CUL5: variants seen among roughly 807,000 people sequenced by gnomAD.
CUL5 encodes cullin-5.
CUL5 carries 26 observed loss-of-function variants against 108.8 expected under a neutral mutation model. The ratio of observed to expected loss-of-function variants is 0.24; its 90% CI spans 0.18 to 0.33. The LOEUF (loss-of-function observed/expected upper bound fraction) is 0.33, where lower values mean the gene tolerates loss of function less well. Ranked by LOEUF, CUL5 falls within the 10% of genes least tolerant of loss-of-function variation. The pLI is 1.00. For synonymous variants in CUL5, 334 were observed against 298.0 expected (o/e 1.12, Z -1.25); for missense variants, 524 against 909.2 (o/e 0.58, Z 5.45).
At chr11:108,060,788 C>T (rs760761479) in intron 7 of CUL5, among the ~76,000 whole-genome samples, 44 of 151,676 alleles carry the variant, frequency 2.9e-4, no homozygotes, top group East Asian at 1.9e-4. Flanking sequence ...AGTGAGATCG[C>T]GCCATTGCAC....
chr11:108,013,450 TCTC>T (rs750769865), intron 1 of CUL5, among the ~76,000 whole-genome samples: 46 of 152,294 alleles, frequency 3.0e-4, no homozygotes, highest in Non-Finnish European at 5.6e-4. Flanking sequence ...AGCTGGGTCT[TCTC>T]CTGATAACTA....
intron 10 of CUL5, among the ~76,000 whole-genome samples, chr11:108,076,763 G>A (rs1863951114): frequency 6.6e-6 from 1 of 152,176 alleles, no homozygotes; most frequent in African/African-American, 2.4e-5. Flanking sequence ...ATTACATTAT[G>A]AAGATAGACT....
At chr11:108,051,175 G>A (rs1168824911) in intron 4 of CUL5, among the ~76,000 whole-genome samples, 1 of 151,956 alleles carries the variant, frequency 6.6e-6, no homozygotes, top group Non-Finnish European at 1.5e-5. Context: ...TTCAGTGATA[G>A]AAATCACTGC....
intron 1 of CUL5, among the ~76,000 whole-genome samples, chr11:108,025,016 C>G (rs1862421502): frequency 6.6e-6 from 1 of 152,180 alleles, no homozygotes; most frequent in Admixed American, 6.5e-5. Flanking sequence ...TGTCTTATAT[C>G]TGTGGTTTAT....
At chr11:108,100,563 A>C (rs527371374) in intron 18 of CUL5, among the ~76,000 whole-genome samples, 1 of 151,982 alleles carries the variant, frequency 6.6e-6, no homozygotes, top group African/African-American at 2.4e-5. Context: ...AAACAAAAAC[A>C]AACAAAAAAC....
chr11:108,101,581 A>T (rs975486954), intron 18 of CUL5, among the ~76,000 whole-genome samples: 1 of 152,186 alleles, frequency 6.6e-6, no homozygotes, highest in Non-Finnish European at 1.5e-5. Context: ...TAATGACAGG[A>T]TCACCTTGCC....
chr11:108,049,316 G>A (rs541905553), intron 3 of CUL5, among the ~76,000 whole-genome samples: 1 of 151,482 alleles, frequency 6.6e-6, no homozygotes, highest in Non-Finnish European at 1.5e-5. Flanking sequence ...ACCATATATT[G>A]TGGGGTTTTT....
At position 108,104,165 on chromosome 11, in the gene CUL5, CTTTTA is replaced by C. The variant is rs773359398; in HGVS notation, c.2149-20_2149-16del. On this transcript the variant is annotated intron_variant, in intron 18 of 18. Coordinates refer to ENST00000393094, the MANE Select transcript of CUL5 (RefSeq NM_003478.6). ...TAAAATAATTTCGTATATTAATGCGCTTTTATTTTTATTTTTTCTTTTAGGAAGCT... is the reference window on the plus strand; with the variant it reads ...TAAAATAATTTCGTATATTAATGCGCTTTTTATTTTTTCTTTTAGGAAGCT... 1.8e-5 allele frequency: 27 copies of C among 1,464,876 alleles called. No individual in the cohort carries two copies. Among genetic ancestry groups the C allele is most frequent in the Non-Finnish European group, 1.7e-5 (18 of 1,078,462 alleles). The allele number at this position is 1,464,876 out of a possible 1,614,324, so 90.7% of individuals were successfully genotyped here. A position where few individuals can be genotyped will look rare whatever the true frequency, so the allele number is the denominator to read the frequency against.
rs879594771 is a variant in CUL5, at chr11:108,067,540, A to AT, written c.781-2542dup. Among the ~76,000 whole-genome samples the AT allele has an allele frequency of 6.9e-3, 1,007 of 145,774 alleles. 6 individuals carry two copies. The highest frequency in any genetic ancestry group is 0.013 in the African/African-American group (502 of 40,054). On this transcript the variant is annotated intron_variant, in intron 7 of 18. Coordinates refer to ENST00000393094, the MANE Select transcript of CUL5 (RefSeq NM_003478.6). ...ATATTTTTTGTTCTGTCCTATGTAC[A>AT]TTTTTTTTTTTTTTAAACCTGGTCA...
At chr11:108,020,184 A>G (rs2135051068) in intron 1 of CUL5, among the ~76,000 whole-genome samples, 1 of 152,320 alleles carries the variant, frequency 6.6e-6, no homozygotes, top group East Asian at 1.9e-4. Flanking sequence ...ATTTACTGTT[A>G]TATACTTGTT....
intron 7 of CUL5, among the ~76,000 whole-genome samples, chr11:108,059,789 C>CA: frequency 6.6e-6 from 1 of 151,606 alleles, no homozygotes; most frequent in Non-Finnish European, 1.5e-5. Context: ...GAGGCTGAGG[C>CA]AGGAGAATCG....
chr11:108,013,539 G>T (rs1862106592), intron 1 of CUL5, among the ~76,000 whole-genome samples: 3 of 151,996 alleles, frequency 2.0e-5, no homozygotes, highest in African/African-American at 4.8e-5. Flanking sequence ...CTGGTTACTT[G>T]TTGGCTCACT....
intron 1 of CUL5, among the ~76,000 whole-genome samples, 180 bp downstream of exon 1, chr11:108,009,552 A>G (rs568475695): frequency 2.0e-5 from 3 of 151,438 alleles, no homozygotes; most frequent in Admixed American, 2.0e-4. Context: ...TGGGGTCGAC[A>G]GGCTCTGGTG....
intron 1 of CUL5, among the ~76,000 whole-genome samples, chr11:108,017,706 C>A (rs372126030): frequency 2.6e-4 from 39 of 152,110 alleles, no homozygotes; most frequent in African/African-American, 9.2e-4. Context: ...AATAATTATC[C>A]AGGCATGTTA....
intron 18 of CUL5, among the ~76,000 whole-genome samples, chr11:108,100,370 C>A (rs1864626149): frequency 6.6e-6 from 1 of 151,978 alleles, no homozygotes; most frequent in Non-Finnish European, 1.5e-5. Flanking sequence ...TGTTGAAGCC[C>A]TGTCTCTACT....
chr11:108,073,755 T>C (rs1212494916), intron 10 of CUL5: 1 of 219,038 alleles, frequency 4.6e-6, no homozygotes, highest in Admixed American at 5.5e-5. Context: ...TTTCTGTTTT[T>C]GAATATTACT....
intron 13 of CUL5, among the ~76,000 whole-genome samples, 199 bp from the exon 14 acceptor site, chr11:108,094,192 C>T (rs974671355): frequency 2.6e-5 from 4 of 152,076 alleles, no homozygotes; most frequent in Admixed American, 6.6e-5. Flanking sequence ...ACTAAAAATG[C>T]GCAAAGCAGG....
At chr11:108,091,251 A>T (rs1437678939) in intron 13 of CUL5, among the ~76,000 whole-genome samples, 1 of 151,818 alleles carries the variant, frequency 6.6e-6, no homozygotes, top group Admixed American at 6.6e-5. Context: ...ACGGTTTTGC[A>T]TGTTGGCCAG....
intron 5 of CUL5, 60 bp downstream of exon 5, chr11:108,052,861 G>T: frequency 7.0e-7 from 1 of 1,419,662 alleles, no homozygotes. Context: ...GAACAATTAT[G>T]GAATAGCACA....
Sources: allele counts gnomAD v4.1 joint callset (sites outside exome capture counted in the v4.1 genomes callset), GRCh38; gene constraint gnomAD v4.1.1; transcripts MANE v1.5; gene names NCBI Gene and HGNC (gene_info 2026-07-23, HGNC 2026-07-21).